Variants in SYT7 observed in about 807,000 individuals in gnomAD.
The protein encoded by SYT7 is synaptotagmin 7, also known as synaptotagmin-7.
Under a neutral mutation model 75.1 loss-of-function variants are expected in SYT7, and 29 were observed. That is an observed-to-expected ratio of 0.39 (90% confidence interval 0.29 to 0.53). The LOEUF is 0.53. Among genes scored for constraint, SYT7 ranks in the 20% least tolerant of loss-of-function variants. The pLI, the probability that SYT7 is intolerant of heterozygous loss-of-function variation, is 0.77. For missense variants in SYT7, 693 were observed against 953.2 expected (o/e 0.73, Z 3.59); for synonymous variants, 376 against 401.7 (o/e 0.94, Z 0.76).
chr11:61,547,051 G>T lies in SYT7; in HGVS notation c.347+126C>A, dbSNP rs1485008768. The T allele has an allele frequency of 3.2e-6, 4 of 1,246,482 alleles. No individual in the cohort carries two copies. The African/African-American group carries it at 4.5e-5, about 14-fold the overall frequency. The allele number at this position is 1,246,482 out of a possible 1,614,324, so 77.2% of individuals were successfully genotyped here. ...GCCCATGGGGTGGATGGGTGGGGAA[G>T]TTGGGGGACAGGAGCGAGAGGAGAG... is the stretch of plus-strand genomic sequence containing the variant. On this transcript the variant is annotated intron_variant, in intron 4 of 12. Coordinates refer to ENST00000539008, the MANE Select transcript of SYT7 (RefSeq NM_001365809.2).
intron 1 of SYT7, among the ~76,000 whole-genome samples, chr11:61,564,953 G>C (rs1236026111): frequency 6.6e-6 from 1 of 152,200 alleles, no homozygotes; most frequent in Non-Finnish European, 1.5e-5. Context: ...GGGAAGAGGA[G>C]GACAATGGGG....
chr11:61,523,885 G>A lies in SYT7; in HGVS notation c.1698C>T (p.Ile566=). ...TCCGGGCTTTGATGATGTTCACGAT[G>A]ATGGAGTTGGCAGAGGGGTTGTAGC... is the stretch of plus-strand genomic sequence containing the variant. The part of the protein sequence containing the change: ...SLCYNPSANS[I]IVNIIKARNL... The change falls in exon 11 of 13, where the codon ATC becomes ATT. Residue 566 remains isoleucine, a synonymous_variant. Coordinates refer to ENST00000539008, the MANE Select transcript of SYT7 (RefSeq NM_001365809.2). The surrounding 1 kb of genome is among the most constrained non-coding windows in gnomAD (Gnocchi z 5.0). 6.2e-7 allele frequency: 1 copy of A among 1,614,082 alleles called. No individual in the cohort carries two copies. The highest frequency in any genetic ancestry group is 8.5e-7 in the Non-Finnish European group (1 of 1,179,978).
intron 7 of SYT7, among the ~76,000 whole-genome samples, chr11:61,535,651 C>G (rs1206838052): frequency 7.2e-5 from 11 of 152,150 alleles, no homozygotes; most frequent in Non-Finnish European, 1.0e-4. Context: ...GTGACTGGCC[C>G]TCCCATCTCC....
At chr11:61,562,827 G>A (rs758779311) in intron 1 of SYT7, among the ~76,000 whole-genome samples, 48 of 152,088 alleles carry the variant, frequency 3.2e-4, no homozygotes, top group Admixed American at 1.9e-3. Context: ...CCCTTACCAG[G>A]GCTCAGCCCC....
At chr11:61,559,127 C>T (rs748143948) in intron 1 of SYT7, among the ~76,000 whole-genome samples, 2 of 152,170 alleles carry the variant, frequency 1.3e-5, no homozygotes, top group Non-Finnish European at 2.9e-5. Flanking sequence ...TGTTAGCACT[C>T]AATAGATGGG....
chr11:61,513,831 G>A lies in SYT7; in HGVS notation c.*4796C>T, dbSNP rs940514965. ...TCTACACAAGACACGACACATACAC[G>A]CAGGACACAGACACGGGGAGCGGGG... On this transcript the variant is annotated 3_prime_UTR_variant, in exon 13 of 13. Coordinates refer to ENST00000539008, the MANE Select transcript of SYT7 (RefSeq NM_001365809.2). Among the ~76,000 whole-genome samples, 8 of 152,196 alleles carry A rather than the reference G, an allele frequency of 5.3e-5. No individual in the cohort carries two copies. In the East Asian group the frequency reaches 5.8e-4, roughly 11 times the overall value.
In SYT7 at chr11:61,551,298, G is replaced by T; in HGVS notation, c.215+86C>A. 1 of 1,265,536 alleles carries T rather than the reference G, an allele frequency of 7.9e-7. No individual in the cohort carries two copies. The highest frequency in any genetic ancestry group is 1.1e-6 in the Non-Finnish European group (1 of 874,794). 78.4% of individuals were successfully genotyped at this position (1,265,536 alleles called of 1,614,324 possible). A position where few individuals can be genotyped will look rare whatever the true frequency, so the allele number is the denominator to read the frequency against. On this transcript the variant is annotated intron_variant, in intron 3 of 12. Transcript: ENST00000539008. This position sits in a 1 kb window ranked among gnomAD's most constrained non-coding sequence, Gnocchi z 5.3. ...TGGGGGAAGTGAAAGTGTGTGGTCAGGTCTGTGGGGCTGGGGGAGAGAAGG... is the reference window on the plus strand; with the variant it reads ...TGGGGGAAGTGAAAGTGTGTGGTCATGTCTGTGGGGCTGGGGGAGAGAAGG...
At chr11:61,574,653 G>A (rs2064018895) in intron 1 of SYT7, among the ~76,000 whole-genome samples, 1 of 151,792 alleles carries the variant, frequency 6.6e-6, no homozygotes, top group Non-Finnish European at 1.5e-5. Flanking sequence ...GTAAGGAGGT[G>A]TGCAGGGAGT....
At chr11:61,560,246 A>G (rs2063602364) in intron 1 of SYT7, among the ~76,000 whole-genome samples, 1 of 152,204 alleles carries the variant, frequency 6.6e-6, no homozygotes, top group Admixed American at 6.5e-5. Context: ...TTAGTTTTCA[A>G]GAGGTAGTCT....
In SYT7 at chr11:61,542,289, C is replaced by A. The variant is rs771354024; in HGVS notation, c.863G>T (p.Arg288Leu). 1 of 1,534,576 alleles carries A rather than the reference C, an allele frequency of 6.5e-7. No homozygotes were observed. The highest frequency in any genetic ancestry group is 1.4e-5 in the African/African-American group (1 of 72,970). The change falls in exon 6 of 13, where the codon CGC becomes CTC. Residue 288 changes from arginine to leucine, a missense_variant. Physicochemically the swap from Arg to Leu is moderately radical, Grantham distance 102. Coordinates refer to ENST00000539008, the MANE Select transcript of SYT7 (RefSeq NM_001365809.2). The surrounding 1 kb of genome is among the most constrained non-coding windows in gnomAD (Gnocchi z 7.8). Reference sequence around the variant, plus strand: ...CCAGCTGCCTGGGTTGGAGCGGCTGCGGCCCCCTGCCGCCCGGTACTTGGA... The same window carrying A: ...CCAGCTGCCTGGGTTGGAGCGGCTGAGGCCCCCTGCCGCCCGGTACTTGGA... ...AGSKYRAAGG[R>L]SRSNPGSWDH...
chr11:61,565,870 GATA>G (rs1319131073), intron 1 of SYT7, among the ~76,000 whole-genome samples: 2 of 152,288 alleles, frequency 1.3e-5, no homozygotes, highest in Non-Finnish European at 2.9e-5. Context: ...AATAAAAACA[GATA>G]ATGTGTGAGT....
At chr11:61,530,427 C>T (rs912714880) in intron 8 of SYT7, among the ~76,000 whole-genome samples, 1 of 152,210 alleles carries the variant, frequency 6.6e-6, no homozygotes, top group Non-Finnish European at 1.5e-5. Context: ...TTTCCCTGCT[C>T]ATGCCAGCCC....
In SYT7 at chr11:61,551,578, G is replaced by A. The variant is rs1157950128; in HGVS notation, c.136-115C>T. ...GACTGGAGTCGGGCCGTGGCAACAAGGCCAGGACCAGTGTGCGAGGCTGTC... is the reference window on the plus strand; with the variant it reads ...GACTGGAGTCGGGCCGTGGCAACAAAGCCAGGACCAGTGTGCGAGGCTGTC... On this transcript the variant is annotated intron_variant, in intron 2 of 12. Coordinates refer to ENST00000539008, the MANE Select transcript of SYT7 (RefSeq NM_001365809.2). This position sits in a 1 kb window ranked among gnomAD's most constrained non-coding sequence, Gnocchi z 5.3. 2.8e-6 allele frequency: 3 copies of A among 1,065,630 alleles called. No individual in the cohort carries two copies. The highest frequency in any genetic ancestry group is 1.6e-5 in the African/African-American group (1 of 64,180). 66.0% of individuals were successfully genotyped at this position (1,065,630 alleles called of 1,614,324 possible).
At chr11:61,571,107 A>C (rs1183011064) in intron 1 of SYT7, among the ~76,000 whole-genome samples, 1 of 152,212 alleles carries the variant, frequency 6.6e-6, no homozygotes, top group Admixed American at 6.5e-5. Context: ...GAGCCTCATT[A>C]CTTTTGATCC....
At chr11:61,566,750 T>G (rs754763213) in intron 1 of SYT7, among the ~76,000 whole-genome samples, 2 of 152,238 alleles carry the variant, frequency 1.3e-5, no homozygotes, top group Non-Finnish European at 2.9e-5. Flanking sequence ...AATGCATTGT[T>G]GTGCCTTGGC....
chr11:61,580,755 T>C lies in SYT7; in HGVS notation c.31+35A>G. ...GCGCTGCCGCTGTCCTGCCCGCCGG[T>C]GCGGGGCGCCCCAGCCCGCCGGGGC... is the stretch of plus-strand genomic sequence containing the variant. On this transcript the variant is annotated intron_variant, in intron 1 of 12. Coordinates refer to ENST00000539008, the MANE Select transcript of SYT7 (RefSeq NM_001365809.2). This position sits in a 1 kb window ranked among gnomAD's most constrained non-coding sequence, Gnocchi z 6.1. 2 of 1,221,778 alleles carry C rather than the reference T, an allele frequency of 1.6e-6. No homozygotes were observed. The highest frequency in any genetic ancestry group is 2.0e-6 in the Non-Finnish European group (2 of 977,116). The allele number at this position is 1,221,778 out of a possible 1,614,324, so 75.7% of individuals were successfully genotyped here. A position where few individuals can be genotyped will look rare whatever the true frequency, so the allele number is the denominator to read the frequency against.
intron 1 of SYT7, among the ~76,000 whole-genome samples, chr11:61,578,410 G>C (rs1395698089): frequency 6.6e-6 from 1 of 152,012 alleles, no homozygotes; most frequent in Non-Finnish European, 1.5e-5. Flanking sequence ...TCCTGAGAGT[G>C]GGATGAGAGG....
intron 12 of SYT7, among the ~76,000 whole-genome samples, chr11:61,521,239 T>C (rs2135036920): frequency 6.6e-6 from 1 of 152,360 alleles, no homozygotes. Flanking sequence ...TCAGAGATCC[T>C]TGGGCTCCGT....
chr11:61,565,162 C>T (rs1054613331), intron 1 of SYT7, among the ~76,000 whole-genome samples: 1 of 152,204 alleles, frequency 6.6e-6, no homozygotes, highest in African/African-American at 2.4e-5. Context: ...CTTTTGGTGG[C>T]TCCCGATGAC....
Sources: allele counts gnomAD v4.1 joint callset (sites outside exome capture counted in the v4.1 genomes callset), GRCh38; gene constraint gnomAD v4.1.1; non-coding constraint Gnocchi (gnomAD v3.1); transcripts MANE v1.5; gene names NCBI Gene and HGNC (gene_info 2026-07-23, HGNC 2026-07-21).